The following ZNF814 variants were observed in gnomAD, a reference collection of about 807,000 sequenced individuals.
ZNF814 encodes zinc finger protein 814.
A neutral mutation model predicts 7.5 loss-of-function variants in ZNF814; 5 were observed. The observed-to-expected ratio is 0.67, with a 90% CI of 0.35 to 1.40. The LOEUF is 1.40. ZNF814 is among the 40% of genes most tolerant of loss of function. ZNF814 has a pLI of 0.04. For synonymous variants in ZNF814, 315 were observed against 340.7 expected, an observed-to-expected ratio of 0.92 and a Z score of 0.83; for missense variants, 962 against 1,018.0, an observed-to-expected ratio of 0.94 and a Z score of 0.75.
rs1480026762 is a variant in ZNF814, at chr19:57,872,583, T to C, written c.*239A>G. 3 of 1,083,866 alleles carry C rather than the reference T, an allele frequency of 2.8e-6. No homozygotes were observed. The Admixed American group carries it at 6.8e-5, about 25-fold the overall frequency. The allele number at this position is 1,083,866 out of a possible 1,614,324, so 67.1% of individuals were successfully genotyped here. A position where few individuals can be genotyped will look rare whatever the true frequency, so the allele number is the denominator to read the frequency against. ...ATTTGCTGCAATCACAAGACCTTACTCCAGTGTGAACTCTCCTGTGTTTAA... is the reference window on the plus strand; with the variant it reads ...ATTTGCTGCAATCACAAGACCTTACCCCAGTGTGAACTCTCCTGTGTTTAA... On this transcript the variant is annotated 3_prime_UTR_variant, in exon 3 of 3. Coordinates refer to ENST00000435989, the MANE Select transcript of ZNF814 (RefSeq NM_001144989.2).
the ZNF814 span, among the ~76,000 whole-genome samples, chr19:57,902,379 C>T: frequency 1.3e-4 from 20 of 152,226 alleles, no homozygotes; most frequent in East Asian, 3.9e-4. Flanking sequence ...GAACCATACA[C>T]GGTACATTCA....
At position 57,873,137 on chromosome 19, in the gene ZNF814, T is replaced by C. The variant is rs746602655; in HGVS notation, c.2253A>G (p.Lys751=). 9.3e-6 allele frequency: 15 copies of C among 1,612,678 alleles called. No homozygotes were observed. The South Asian group carries it at 1.3e-4, about 14-fold the overall frequency. Residue 751 remains lysine, a synonymous_variant, in exon 3 of 3, where the codon AAA becomes AAG. Coordinates refer to ENST00000435989, the MANE Select transcript of ZNF814 (RefSeq NM_001144989.2). ...ERPYECNDCG[K]SFTHSSTFCV... is the part of the protein sequence containing the mutation. ...AGAATGTAGAGCTGTGGGTAAATGA[T>C]TTTCCACAATCATTGCATTCATAAG...
At chr19:57,900,839 ATTTTTTTTTTTTTT>A in the ZNF814 span, among the ~76,000 whole-genome samples, 2 of 45,782 alleles carry the variant, frequency 4.4e-5, no homozygotes, top group Non-Finnish European at 7.7e-5. Context: ...CCATGGCTGC[ATTTTTTTTTTTTTT>A]TTTTTTTTTT....
chr19:57,893,987 G>T (rs1323199051), upstream of ZNF814, among the ~76,000 whole-genome samples: 1 of 152,040 alleles, frequency 6.6e-6, no homozygotes. Flanking sequence ...GGGAGGCTGA[G>T]GCAGGAAATC....
rs1262304865 is a variant in ZNF814 at position 57,872,688 on chromosome 19, G to A, written c.*134C>T. ...GTGTGACCAGTGTGAACTCTCTTAT[G>A]AACACAGAATGCAGAGCTGTGGGTA... On this transcript the variant is annotated 3_prime_UTR_variant, in exon 3 of 3. Coordinates refer to ENST00000435989, the MANE Select transcript of ZNF814 (RefSeq NM_001144989.2). The A allele has an allele frequency of 6.3e-7, 1 of 1,593,788 alleles. No individual in the cohort carries two copies. The highest frequency in any genetic ancestry group is 8.6e-7 in the Non-Finnish European group (1 of 1,168,286).
At chr19:57,882,951 C>T (rs925752890) in intron 1 of ZNF814, among the ~76,000 whole-genome samples, 9 of 152,154 alleles carry the variant, frequency 5.9e-5, no homozygotes, top group African/African-American at 2.2e-4. Flanking sequence ...AACAGAGATA[C>T]ATGACCTTTC....
chr19:57,901,310 T>G, the ZNF814 span, among the ~76,000 whole-genome samples: 1 of 152,354 alleles, frequency 6.6e-6, no homozygotes, highest in East Asian at 1.9e-4. Context: ...TACACCTCGC[T>G]TTATTAACAT....
chr19:57,898,910 A>G, the ZNF814 span, among the ~76,000 whole-genome samples: 1 of 150,438 alleles, frequency 6.6e-6, no homozygotes, highest in African/African-American at 2.4e-5. Flanking sequence ...ACTGCACTCC[A>G]GCCTGGGTGA....
Position 57,871,215 on chromosome 19 carries a change from A to G in ZNF814, c.*1607T>C, listed in dbSNP as rs1158443156. On this transcript the variant is annotated 3_prime_UTR_variant, in exon 3 of 3. Transcript: ENST00000435989. ...TACAATGCAATATACCTCGTAAAAG[A>G]ATTTTGTCTTGTTCAAAAAATGCCA... The G allele has an allele frequency of 6.6e-6, 1 of 152,132 alleles. No individual in the cohort carries two copies. Among genetic ancestry groups the G allele is most frequent in the East Asian group, 1.9e-4 (1 of 5,200 alleles). 9.4% of individuals were successfully genotyped at this position (152,132 alleles called of 1,614,324 possible).
At position 57,871,170 on chromosome 19, in the gene ZNF814, C is replaced by T. The variant is rs2071554129; in HGVS notation, c.*1652G>A. ...TGCATTGCAAGAGCTGGGCAACAGA[C>T]TTCCCTCAGCCGTACCAAGTACAAT... On this transcript the variant is annotated 3_prime_UTR_variant, in exon 3 of 3. Transcript: ENST00000435989. 1 of 152,148 alleles carries T rather than the reference C, an allele frequency of 6.6e-6. No individual in the cohort carries two copies. The highest frequency in any genetic ancestry group is 1.9e-4 in the East Asian group (1 of 5,194). The allele number at this position is 152,148 out of a possible 1,614,324, so 9.4% of individuals were successfully genotyped here.
chr19:57,875,316 T>C, intron 2 of ZNF814, 90 bp from the exon 3 acceptor site: 1 of 1,608,132 alleles, frequency 6.2e-7, no homozygotes. Context: ...ACTGAGGAAT[T>C]ACTCCAAGGA....
intron 1 of ZNF814, among the ~76,000 whole-genome samples, chr19:57,883,134 A>G (rs143350041): frequency 7.8e-4 from 113 of 144,596 alleles, no homozygotes; most frequent in Admixed American, 2.1e-3. Context: ...CGAGGCGGGC[A>G]GATCACAAAT....
the ZNF814 span, among the ~76,000 whole-genome samples, chr19:57,898,589 C>T: frequency 2.0e-5 from 3 of 152,302 alleles, no homozygotes; most frequent in African/African-American, 7.2e-5. Context: ...AGTACAGGAA[C>T]AATTGCAAAA....
the ZNF814 span, among the ~76,000 whole-genome samples, chr19:57,901,372 A>G: frequency 3.3e-5 from 5 of 152,248 alleles, no homozygotes; most frequent in Non-Finnish European, 7.3e-5. Context: ...GCTGAACAAC[A>G]CTTAACAGGA....
At chr19:57,889,210 T>C (rs1462992926), upstream of ZNF814, 2 of 391,676 alleles carry the variant, frequency 5.1e-6, no homozygotes, top group African/African-American at 4.1e-5. Context: ...CAGAGGCGCT[T>C]CTGCAGGAAA....
At chr19:57,897,486 C>T in the ZNF814 span, among the ~76,000 whole-genome samples, 3 of 152,088 alleles carry the variant, frequency 2.0e-5, no homozygotes, top group Non-Finnish European at 4.4e-5. Context: ...AAAGGCAATC[C>T]CTGGACAAGA....
At position 57,873,720 on chromosome 19, in the gene ZNF814, A is replaced by G. The variant is rs1290016856; in HGVS notation, c.1670T>C (p.Phe557Ser). ...TAGAATGAGGGTGCCTTTATGACTA[A>G]AAGATTTCCCACACTCTCCACACTC... ...LYECGECGKS[F>S]SHKGTLILHQ... The change falls in exon 3 of 3, where the codon TTT becomes TCT. Residue 557 changes from phenylalanine (F) to serine (S), a missense_variant. By Grantham distance (155) the Phe-to-Ser change is radical. Transcript: ENST00000435989. 1.2e-6 allele frequency: 2 copies of G among 1,613,450 alleles called. No individual in the cohort carries two copies. Among genetic ancestry groups the G allele is most frequent in the Non-Finnish European group, 1.7e-6 (2 of 1,179,780 alleles).
Position 57,888,813 on chromosome 19 carries a change from G to C in ZNF814, c.-11C>G, listed in dbSNP as rs752851883. 620 of 1,551,666 alleles carry C rather than the reference G, an allele frequency of 4.0e-4. No homozygotes were observed. Among genetic ancestry groups the C allele is most frequent in the Non-Finnish European group, 5.3e-4 (606 of 1,147,046 alleles). ...AGCCGCGGCAGCCATCGAACCACGT[G>C]GTTTTAAGCAGAGTCGGGAGGATAG... On this transcript the variant is annotated 5_prime_UTR_variant, in exon 1 of 3. Transcript: ENST00000435989.
the ZNF814 span, among the ~76,000 whole-genome samples, chr19:57,899,229 A>C: frequency 6.6e-6 from 1 of 152,338 alleles, no homozygotes; most frequent in African/African-American, 2.4e-5. Context: ...ACTATTTGTC[A>C]AACTTATGTT....
Sources: gnomAD v4.1 joint callset for allele counts (sites outside exome capture counted in the v4.1 genomes callset) on GRCh38, gnomAD v4.1.1 for gene constraint, MANE v1.5 for transcripts, NCBI Gene and HGNC (gene_info 2026-07-23, HGNC 2026-07-21) for gene names.